TMEM87A: variants seen among roughly 807,000 people sequenced by gnomAD.
TMEM87A encodes transmembrane protein 87A, also known as Golgi-pH regulating cation channel.
TMEM87A carries 50 observed loss-of-function variants against 90.0 expected under a neutral mutation model. That is an observed-to-expected ratio of 0.56 (90% CI 0.44 to 0.70). The LOEUF (loss-of-function observed/expected upper bound fraction) is 0.70. TMEM87A is among the 30% of genes least tolerant of loss of function. The pLI is 0.00. For synonymous variants in TMEM87A, 226 were observed against 226.7 expected (o/e 1.00, Z 0.03); for missense variants, 577 against 660.5 (o/e 0.87, Z 1.39).
chr15:42,252,431 T>C (rs1403215547), intron 6 of TMEM87A, among the ~76,000 whole-genome samples: 2 of 152,212 alleles, frequency 1.3e-5, no homozygotes, highest in Admixed American at 1.3e-4. Flanking sequence ...TTTATGAACA[T>C]ACAACATTTT....
chr15:42,263,507 G>A (rs2051337377), intron 4 of TMEM87A, among the ~76,000 whole-genome samples: 1 of 152,186 alleles, frequency 6.6e-6, no homozygotes. Flanking sequence ...CATTTTGGGA[G>A]GCCAAGGTGG....
At chr15:42,228,091 A>G (rs2050628144) in intron 13 of TMEM87A, among the ~76,000 whole-genome samples, 4 of 152,200 alleles carry the variant, frequency 2.6e-5, no homozygotes, top group Non-Finnish European at 4.4e-5. Flanking sequence ...CAGCATTATC[A>G]ATATAATTTT....
At chr15:42,258,638 G>T in intron 6 of TMEM87A, 1 of 847,738 alleles carries the variant, frequency 1.2e-6, no homozygotes, top group Non-Finnish European at 1.5e-6. Flanking sequence ...CATTGGCCAA[G>T]CTGGTCTCGA....
At chr15:42,214,130 G>A (rs1238933671) in intron 19 of TMEM87A, among the ~76,000 whole-genome samples, 1 of 146,550 alleles carries the variant, frequency 6.8e-6, no homozygotes, top group Non-Finnish European at 1.5e-5. Context: ...AATCCGGGGG[G>A]GGAACACACA....
chr15:42,213,720 A>G (rs1360881940), intron 19 of TMEM87A, among the ~76,000 whole-genome samples: 1 of 152,198 alleles, frequency 6.6e-6, no homozygotes, highest in African/African-American at 2.4e-5. Flanking sequence ...TGGGTTAGAG[A>G]GGCTATCAGA....
chr15:42,242,862 C>G (rs577484133), intron 7 of TMEM87A, among the ~76,000 whole-genome samples: 1 of 152,188 alleles, frequency 6.6e-6, no homozygotes, highest in African/African-American at 2.4e-5. Context: ...AAAAGTTCTA[C>G]AGTAAACACA....
intron 19 of TMEM87A, among the ~76,000 whole-genome samples, chr15:42,214,347 A>G (rs1028599313): frequency 6.6e-6 from 1 of 152,236 alleles, no homozygotes; most frequent in Non-Finnish European, 1.5e-5. Flanking sequence ...TGAGGCCAGC[A>G]TTACCCTAAT....
chr15:42,213,272 A>T (rs916250219), intron 19 of TMEM87A, among the ~76,000 whole-genome samples: 1 of 152,208 alleles, frequency 6.6e-6, no homozygotes, highest in African/African-American at 2.4e-5. Flanking sequence ...TCCGAGAGCT[A>T]AAAACAAAGG....
chr15:42,228,453 G>A (rs1029786879), intron 13 of TMEM87A, among the ~76,000 whole-genome samples: 11 of 152,164 alleles, frequency 7.2e-5, no homozygotes, highest in African/African-American at 2.2e-4. Flanking sequence ...GAAAAAGAAT[G>A]CCTCAAGAAA....
In TMEM87A at chr15:42,220,138, A is replaced by G; in HGVS notation, c.1404-3T>C. ...CAGACAATGGTGAAAAGGCAAACCT[A>G]ACAGAACCAAAGTGAACAGAAGGAA... is the stretch of plus-strand genomic sequence containing the variant. On this transcript the variant is annotated splice_polypyrimidine_tract_variant and splice_region_variant and intron_variant, in intron 15 of 19. Transcript: ENST00000389834. The G allele has an allele frequency of 6.2e-7, 1 of 1,601,000 alleles. No homozygotes were observed. Among genetic ancestry groups the G allele is most frequent in the Non-Finnish European group, 8.5e-7 (1 of 1,176,218 alleles).
intron 2 of TMEM87A, 89 bp from the exon 3 acceptor site, chr15:42,268,121 T>A: frequency 2.1e-6 from 2 of 970,630 alleles, no homozygotes; most frequent in Non-Finnish European, 3.1e-6. Flanking sequence ...ATTCATTTCG[T>A]ACCCTAAACT....
intron 19 of TMEM87A, 94 bp from the exon 20 acceptor site, chr15:42,211,843 C>T (rs1024941157): frequency 1.8e-5 from 20 of 1,114,898 alleles, no homozygotes; most frequent in East Asian, 4.8e-5. Flanking sequence ...ACATCTTCCA[C>T]GAGTACTTTA....
At chr15:42,263,691 T>G (rs1446489349) in intron 4 of TMEM87A, among the ~76,000 whole-genome samples, 3 of 152,110 alleles carry the variant, frequency 2.0e-5, no homozygotes, top group Non-Finnish European at 4.4e-5. Context: ...GAGACTGCAG[T>G]GAGCCGAGAT....
At chr15:42,215,709 T>C (rs1242821620) in intron 19 of TMEM87A, among the ~76,000 whole-genome samples, 2 of 152,080 alleles carry the variant, frequency 1.3e-5, no homozygotes, top group African/African-American at 4.8e-5. Flanking sequence ...TCACACCTGT[T>C]AGGATGGTCA....
intron 6 of TMEM87A, among the ~76,000 whole-genome samples, chr15:42,245,022 A>T (rs1269377768): frequency 6.6e-6 from 1 of 152,036 alleles, no homozygotes; most frequent in Non-Finnish European, 1.5e-5. Context: ...TCAAATGGTT[A>T]AAATATCCTA....
chr15:42,264,729 G>A (rs1320620482), intron 3 of TMEM87A, among the ~76,000 whole-genome samples: 3 of 92,416 alleles, frequency 3.2e-5, no homozygotes, highest in African/African-American at 6.8e-5. Context: ...TTTAGGTTCC[G>A]GTATACATAC....
chr15:42,226,745 C>A (rs2050602217), intron 15 of TMEM87A, 61 bp downstream of exon 15: 2 of 1,430,354 alleles, frequency 1.4e-6, no homozygotes, highest in South Asian at 1.1e-5. Flanking sequence ...CCCAATGCAC[C>A]ACCCCTAATT....
chr15:42,224,168 A>G (rs959281710), intron 15 of TMEM87A, among the ~76,000 whole-genome samples: 8 of 152,206 alleles, frequency 5.3e-5, no homozygotes, highest in Non-Finnish European at 7.3e-5. Flanking sequence ...GGGCCATGCC[A>G]TATCAGCTCT....
intron 19 of TMEM87A, among the ~76,000 whole-genome samples, chr15:42,215,579 C>G (rs2050368945): frequency 6.6e-6 from 1 of 152,068 alleles, no homozygotes; most frequent in African/African-American, 2.4e-5. Context: ...AAAACTGGGC[C>G]AGGGACTGGA....
Sources: allele counts gnomAD v4.1 joint callset (sites outside exome capture counted in the v4.1 genomes callset), GRCh38; gene constraint gnomAD v4.1.1; transcripts MANE v1.5; gene names NCBI Gene and HGNC (gene_info 2026-07-23, HGNC 2026-07-21).